Variants in SH3GLB1 observed in about 807,000 individuals in gnomAD.
SH3GLB1 encodes endophilin-B1.
In SH3GLB1, 17 loss-of-function variants were observed where a neutral mutation model predicts 42.0. The observed-to-expected ratio is 0.40, with a 90% CI of 0.28 to 0.61. The LOEUF (loss-of-function observed/expected upper bound fraction) is 0.61. Among genes scored for constraint, SH3GLB1 ranks in the 20% least tolerant of loss-of-function variants. The pLI is 0.36. For missense variants in SH3GLB1, 355 were observed against 426.3 expected (o/e 0.83, Z 1.47); for synonymous variants, 132 against 146.6 (o/e 0.90, Z 0.72).
chr1:86,715,944 A>C, intron 2 of SH3GLB1, 79 bp downstream of exon 2: 2 of 1,422,784 alleles, frequency 1.4e-6, no homozygotes, highest in Non-Finnish European at 1.9e-6. Context: ...TTTAATGGCC[A>C]TCTGAAAACA....
intron 1 of SH3GLB1, among the ~76,000 whole-genome samples, chr1:86,710,141 C>T (rs868595580): frequency 6.6e-6 from 1 of 152,152 alleles, no homozygotes; most frequent in African/African-American, 2.4e-5. Context: ...ATTTGCATTA[C>T]TTTAGTAAAA....
At chr1:86,719,479 T>G (rs1312350874) in intron 2 of SH3GLB1, 28 bp from the exon 3 acceptor site, 1 of 1,586,048 alleles carries the variant, frequency 6.3e-7, no homozygotes, top group East Asian at 2.3e-5. Context: ...TTTTTAGAAA[T>G]CATTGGTAAT....
At chr1:86,719,392 C>T (rs576225118) in intron 2 of SH3GLB1, 115 bp from the exon 3 acceptor site, 8 of 675,966 alleles carry the variant, frequency 1.2e-5, no homozygotes, top group East Asian at 9.9e-5. Flanking sequence ...AAGATATGTG[C>T]TTGAATGAAT....
intron 5 of SH3GLB1, among the ~76,000 whole-genome samples, chr1:86,727,383 T>TA (rs1168727215): frequency 1.3e-5 from 2 of 151,940 alleles, no homozygotes; most frequent in Non-Finnish European, 1.5e-5. Flanking sequence ...GTGTATATGA[T>TA]AAAATATACC....
intron 8 of SH3GLB1, among the ~76,000 whole-genome samples, chr1:86,742,777 T>C (rs1656119265): frequency 6.6e-6 from 1 of 151,766 alleles, no homozygotes; most frequent in African/African-American, 2.4e-5. Flanking sequence ...CTGGGCAACA[T>C]AGCGACACCT....
chr1:86,719,440 G>T, intron 2 of SH3GLB1, 67 bp from the exon 3 acceptor site: 1 of 1,449,728 alleles, frequency 6.9e-7, no homozygotes, highest in Non-Finnish European at 9.3e-7. Flanking sequence ...GCTGATGGGG[G>T]AAAAAAACAA....
At chr1:86,739,360 A>G (rs544288924) in intron 7 of SH3GLB1, among the ~76,000 whole-genome samples, 1 of 152,308 alleles carries the variant, frequency 6.6e-6, no homozygotes, top group South Asian at 2.1e-4. Context: ...AATGGAAACT[A>G]AGAGTATGGC....
chr1:86,733,237 G>A (rs1448382962), intron 5 of SH3GLB1, among the ~76,000 whole-genome samples: 2 of 152,052 alleles, frequency 1.3e-5, no homozygotes, highest in South Asian at 2.1e-4. Context: ...GCTTATTTCC[G>A]TAAGTCCAAG....
chr1:86,705,351 C>G (rs565887460), intron 1 of SH3GLB1, among the ~76,000 whole-genome samples: 2 of 152,202 alleles, frequency 1.3e-5, no homozygotes, highest in African/African-American at 2.4e-5. Flanking sequence ...GCCATTCTTG[C>G]ACTACCCCCC....
chr1:86,742,106 C>A, intron 7 of SH3GLB1, 102 bp from the exon 8 acceptor site: 1 of 749,306 alleles, frequency 1.3e-6, no homozygotes, highest in Non-Finnish European at 2.2e-6. Flanking sequence ...TAAATCTTTT[C>A]CAATGTGAAG....
At chr1:86,729,362 C>T (rs1198390703) in intron 5 of SH3GLB1, among the ~76,000 whole-genome samples, 1 of 151,342 alleles carries the variant, frequency 6.6e-6, no homozygotes, top group Non-Finnish European at 1.5e-5. Context: ...ATATAAAATG[C>T]ATTTTTGTTT....
chr1:86,724,405 A>T lies in SH3GLB1; in HGVS notation c.570A>T (p.Ser190=), dbSNP rs773321123. 7 of 1,585,280 alleles carry T rather than the reference A, an allele frequency of 4.4e-6. No individual in the cohort carries two copies. The South Asian group carries it at 6.9e-5, about 16-fold the overall frequency. ...KKAKAAETRN[S]SEQELRITQS... is the part of the protein sequence containing the mutation. ...CAAAAGCTGCAGAAACTAGAAATTC[A>T]GTAAGTAAATAGAAAAATATTTTTG... The change falls in exon 5 of 9, where the codon TCA becomes TCT. Residue 190 remains serine (S), a splice_region_variant and synonymous_variant. Transcript: ENST00000370558.
At chr1:86,716,167 C>G (rs771051611) in intron 2 of SH3GLB1, among the ~76,000 whole-genome samples, 8 of 152,208 alleles carry the variant, frequency 5.3e-5, no homozygotes, top group South Asian at 2.1e-4. Context: ...CCTTTTTCAT[C>G]TAGGGAAGAA....
chr1:86,729,558 A>G (rs998820457), intron 5 of SH3GLB1, among the ~76,000 whole-genome samples: 3 of 152,184 alleles, frequency 2.0e-5, no homozygotes, highest in African/African-American at 7.2e-5. Flanking sequence ...AGGTAAAAAC[A>G]TAATTCTAAA....
intron 5 of SH3GLB1, among the ~76,000 whole-genome samples, chr1:86,726,997 T>G (rs1430119485): frequency 6.6e-6 from 1 of 152,012 alleles, no homozygotes; most frequent in Non-Finnish European, 1.5e-5. Flanking sequence ...ACTCTGCTAG[T>G]AAGGTTTGGG....
chr1:86,722,580 T>C lies in SH3GLB1; in HGVS notation c.384T>C (p.Ile128=). ...AATGTGGAGAAACCCAAAAAAGAATTGGAACAGCAGACAGAGAACTGATTC... is the reference window on the plus strand; with the variant it reads ...AATGTGGAGAAACCCAAAAAAGAATCGGAACAGCAGACAGAGAACTGATTC... ...LIKCGETQKR[I]GTADRELIQT... Residue 128 remains isoleucine, a synonymous_variant, in exon 4 of 9, where the codon ATT becomes ATC. Coordinates refer to ENST00000370558, the MANE Select transcript of SH3GLB1 (RefSeq NM_016009.5). The C allele has an allele frequency of 2.5e-6, 4 of 1,606,498 alleles. No homozygotes were observed. The highest frequency in any genetic ancestry group is 3.4e-6 in the Non-Finnish European group (4 of 1,177,304).
At chr1:86,720,335 A>G (rs1263953093) in intron 3 of SH3GLB1, among the ~76,000 whole-genome samples, 2 of 152,214 alleles carry the variant, frequency 1.3e-5, no homozygotes, top group African/African-American at 4.8e-5. Context: ...TTCTTGAACA[A>G]ATCAGTGCTT....
rs570885643 is a variant in SH3GLB1, at chr1:86,723,327, C to T, written c.477+654C>T. On this transcript the variant is annotated intron_variant, in intron 4 of 8. Coordinates refer to ENST00000370558, the MANE Select transcript of SH3GLB1 (RefSeq NM_016009.5). The stretch of plus-strand genomic sequence containing the variant: ...AGGAGTTTGAAACCAGCCTGGCCAA[C>T]ATGGTGAAACCCCGTCTCTACTAAA... Among the ~76,000 whole-genome samples the T allele has an allele frequency of 5.3e-4, 81 of 152,070 alleles. 1 individual carries two copies. Among genetic ancestry groups the T allele is most frequent in the Non-Finnish European group, 9.9e-4 (67 of 68,016 alleles).
chr1:86,704,858 G>T lies in SH3GLB1; in HGVS notation c.-42G>T, dbSNP rs759669854. On this transcript the variant is annotated 5_prime_UTR_variant, in exon 1 of 9. Transcript: ENST00000370558. Reference sequence around the variant, plus strand: ...AGCCCGGCCGCGGCACCTCCGCCTCGCCGCCGCTAGGTCGGCCGGCTCCGC... The same window carrying T: ...AGCCCGGCCGCGGCACCTCCGCCTCTCCGCCGCTAGGTCGGCCGGCTCCGC... The T allele has an allele frequency of 9.7e-6, 14 of 1,446,142 alleles. No homozygotes were observed. Among genetic ancestry groups the T allele is most frequent in the African/African-American group, 1.5e-5 (1 of 67,844 alleles). 89.6% of individuals were successfully genotyped at this position (1,446,142 alleles called of 1,614,324 possible).
Sources: gnomAD v4.1 joint callset for allele counts (sites outside exome capture counted in the v4.1 genomes callset) on GRCh38, gnomAD v4.1.1 for gene constraint, MANE v1.5 for transcripts, NCBI Gene and HGNC (gene_info 2026-07-23, HGNC 2026-07-21) for gene names.